The following DLC1 variants were observed in gnomAD, a reference collection of about 807,000 sequenced individuals.
The protein encoded by DLC1 is DLC1 Rho GTPase activating protein, also known as rho GTPase-activating protein 7.
A neutral mutation model predicts 140.3 loss-of-function variants in DLC1; 54 were observed. That is an observed-to-expected ratio of 0.38 (90% CI 0.31 to 0.48). The LOEUF (loss-of-function observed/expected upper bound fraction) is 0.48, where lower values mean the gene tolerates loss of function less well. Among genes scored for constraint, DLC1 ranks in the 20% least tolerant of loss-of-function variants. The pLI is 0.96. For missense variants in DLC1, 2,536 were observed against 1,907.0 expected (o/e 1.33, Z -6.14); for synonymous variants, 986 against 728.1 (o/e 1.35, Z -5.70).
chr8:13,575,969 G>T (rs1585292597), intron 1 of DLC1, among the ~76,000 whole-genome samples: 1 of 152,304 alleles, frequency 6.6e-6, no homozygotes, highest in Non-Finnish European at 1.5e-5. Context: ...GCAAATCTTG[G>T]ATAACTAGTT....
At chr8:13,415,991 C>A (rs1838038326) in intron 2 of DLC1, among the ~76,000 whole-genome samples, 1 of 152,022 alleles carries the variant, frequency 6.6e-6, no homozygotes, top group Non-Finnish European at 1.5e-5. Flanking sequence ...AGTGGCACAC[C>A]CTAAAATAAG....
chr8:13,350,988 T>C (rs930360442), intron 4 of DLC1, among the ~76,000 whole-genome samples: 1 of 152,198 alleles, frequency 6.6e-6, no homozygotes, highest in African/African-American at 2.4e-5. Flanking sequence ...CTTTCTGAAG[T>C]AGACTTTTGA....
intron 1 of DLC1, among the ~76,000 whole-genome samples, chr8:13,590,567 AT>A (rs1360137154): frequency 6.6e-6 from 1 of 152,000 alleles, no homozygotes; most frequent in Non-Finnish European, 1.5e-5. Context: ...TGGCCAATGG[AT>A]TTTGTTGTTC....
chr8:13,316,719 T>C (rs1653030), intron 4 of DLC1, among the ~76,000 whole-genome samples: 149,066 of 152,220 alleles, frequency 0.98, 73,066 homozygotes, highest in East Asian at 1. Flanking sequence ...AGTTTGCAGA[T>C]TTTCTCCTCT....
At chr8:13,094,979 G>A in intron 11 of DLC1, 22 bp from the exon 12 acceptor site, 5 of 1,614,134 alleles carry the variant, frequency 3.1e-6, no homozygotes, top group Non-Finnish European at 3.4e-6. Flanking sequence ...GCAACACTAA[G>A]TGTGGGGTAC....
At chr8:13,428,415 G>A (rs1316183443) in intron 2 of DLC1, among the ~76,000 whole-genome samples, 4 of 152,098 alleles carry the variant, frequency 2.6e-5, no homozygotes, top group Admixed American at 1.3e-4. Flanking sequence ...TGTTTTCTAC[G>A]ATTTTTAACT....
At chr8:13,559,607 A>C (rs561308361) in intron 1 of DLC1, among the ~76,000 whole-genome samples, 24 of 152,338 alleles carry the variant, frequency 1.6e-4, no homozygotes, top group African/African-American at 5.1e-4. Flanking sequence ...CTAACATTGT[A>C]AGTAGAAAAA....
intron 2 of DLC1, among the ~76,000 whole-genome samples, chr8:13,465,829 C>T (rs553260237): frequency 6.6e-6 from 1 of 152,136 alleles, no homozygotes; most frequent in African/African-American, 2.4e-5. Flanking sequence ...TCCAATGCCT[C>T]TCATTGGTTC....
chr8:13,355,669 G>A (rs1834906461), intron 4 of DLC1, among the ~76,000 whole-genome samples: 1 of 152,116 alleles, frequency 6.6e-6, no homozygotes, highest in Non-Finnish European at 1.5e-5. Context: ...AATTTTGCAA[G>A]GACCCAGTTC....
chr8:13,585,178 T>A (rs915115635), intron 1 of DLC1, among the ~76,000 whole-genome samples: 5 of 152,190 alleles, frequency 3.3e-5, no homozygotes, highest in African/African-American at 1.2e-4. Flanking sequence ...ATTGTGCATA[T>A]AATCAGAGAT....
At chr8:13,301,548 C>A (rs968479401) in intron 5 of DLC1, among the ~76,000 whole-genome samples, 2 of 152,156 alleles carry the variant, frequency 1.3e-5, no homozygotes, top group Non-Finnish European at 2.9e-5. Context: ...GATTTGTGTT[C>A]TGGAAATGAG....
intron 4 of DLC1, among the ~76,000 whole-genome samples, chr8:13,325,669 T>C (rs1357134536): frequency 6.6e-6 from 1 of 152,132 alleles, no homozygotes; most frequent in Non-Finnish European, 1.5e-5. Context: ...GCTATAACGA[T>C]TTAGGAACTT....
chr8:13,176,237 TA>T (rs1825751236), intron 5 of DLC1, among the ~76,000 whole-genome samples: 1 of 152,178 alleles, frequency 6.6e-6, no homozygotes, highest in Non-Finnish European at 1.5e-5. Flanking sequence ...AGAAATGAAA[TA>T]AGTGATTTAA....
At chr8:13,163,035 CTAAG>C (rs1824837574) in intron 5 of DLC1, among the ~76,000 whole-genome samples, 1 of 152,120 alleles carries the variant, frequency 6.6e-6, no homozygotes, top group Non-Finnish European at 1.5e-5. Flanking sequence ...TGTAGCCTCT[CTAAG>C]TAGGGCTTTG....
At chr8:13,295,043 T>C (rs142719984) in intron 5 of DLC1, among the ~76,000 whole-genome samples, 36 of 152,232 alleles carry the variant, frequency 2.4e-4, no homozygotes, top group Non-Finnish European at 4.4e-4. Context: ...ATTACCAAGG[T>C]GCGGGGAAGA....
At chr8:13,373,612 T>G (rs528614538) in intron 4 of DLC1, among the ~76,000 whole-genome samples, 4 of 152,338 alleles carry the variant, frequency 2.6e-5, no homozygotes, top group South Asian at 2.1e-4. Flanking sequence ...ATTTAAAATT[T>G]TATTCAATTC....
At chr8:13,405,845 C>T (rs1282101710) in intron 2 of DLC1, among the ~76,000 whole-genome samples, 5 of 150,976 alleles carry the variant, frequency 3.3e-5, no homozygotes, top group Non-Finnish European at 5.9e-5. Context: ...TCCCTCCCTC[C>T]CTTTCTGTCT....
chr8:13,188,452 G>C (rs1466263470), intron 5 of DLC1, among the ~76,000 whole-genome samples: 1 of 130,600 alleles, frequency 7.7e-6, no homozygotes, highest in Non-Finnish European at 1.7e-5. Flanking sequence ...GAAAAGTAAT[G>C]ATAAACATGA....
At position 13,414,795 on chromosome 8, in the gene DLC1, TC is replaced by T. The variant is rs1469215494; in HGVS notation, c.1024-13177del. 1.7e-3 allele frequency among the ~76,000 whole-genome samples: 260 copies of T among 152,212 alleles called. 2 individuals are homozygous for T. The highest frequency in any genetic ancestry group is 6.0e-3 in the African/African-American group (249 of 41,534). On this transcript the variant is annotated intron_variant, in intron 2 of 17. Coordinates refer to ENST00000276297, the MANE Select transcript of DLC1 (RefSeq NM_182643.3). The stretch of plus-strand genomic sequence containing the variant: ...AATATCCTTATTTGACACGATGTTA[TC>T]ATTTTTTTTGAGGTTTTTGAGGCTG...
Sources: allele counts gnomAD v4.1 joint callset (sites outside exome capture counted in the v4.1 genomes callset), GRCh38; gene constraint gnomAD v4.1.1; transcripts MANE v1.5; gene names NCBI Gene and HGNC (gene_info 2026-07-23, HGNC 2026-07-21).